Variants in TRIO observed in about 807,000 individuals in gnomAD.
TRIO encodes the protein triple functional domain protein.
In TRIO, 58 loss-of-function variants were observed where a neutral mutation model predicts 351.9. The observed-to-expected ratio is 0.16, with a 90% CI of 0.13 to 0.21. The LOEUF (loss-of-function observed/expected upper bound fraction) is 0.21, where lower values mean the gene tolerates loss of function less well. Among genes scored for constraint, TRIO ranks in the 10% least tolerant of loss-of-function variants. The probability of loss-of-function intolerance (pLI) is 1.00; values close to 1 mark genes in which losing one functional copy is unlikely to be tolerated. For missense variants in TRIO, 3,201 were observed against 4,027.8 expected (o/e 0.79, Z 5.56); for synonymous variants, 1,758 against 1,595.7 (o/e 1.10, Z -2.42).
intron 2 of TRIO, among the ~76,000 whole-genome samples, chr5:14,274,208 T>A (rs1019222162): frequency 1.3e-5 from 2 of 152,214 alleles, no homozygotes; most frequent in African/African-American, 4.8e-5. Flanking sequence ...TCTTTTAACC[T>A]GTAGGTTGTG....
At chr5:14,359,582 C>A in intron 13 of TRIO, 51 bp downstream of exon 13, 1 of 1,594,038 alleles carries the variant, frequency 6.3e-7, no homozygotes, top group South Asian at 1.1e-5. Flanking sequence ...CCTTGGCTTC[C>A]TCCACAGCAC....
intron 9 of TRIO, among the ~76,000 whole-genome samples, chr5:14,317,003 C>G (rs1204367935): frequency 6.6e-6 from 1 of 152,102 alleles, no homozygotes; most frequent in Non-Finnish European, 1.5e-5. Context: ...TCGGATCATT[C>G]TCATTTATAT....
chr5:14,317,650 C>T (rs1186284791), intron 9 of TRIO, among the ~76,000 whole-genome samples: 1 of 152,188 alleles, frequency 6.6e-6, no homozygotes, highest in Non-Finnish European at 1.5e-5. Context: ...ATGTCATTCA[C>T]CATCATTCTC....
intron 40 of TRIO, among the ~76,000 whole-genome samples, chr5:14,475,964 A>G (rs1441341465): frequency 2.0e-5 from 3 of 152,248 alleles, no homozygotes; most frequent in Admixed American, 2.0e-4. Context: ...TTAAAAGACA[A>G]CTACAGCCCA....
At chr5:14,202,258 C>T (rs1791166464) in intron 1 of TRIO, among the ~76,000 whole-genome samples, 1 of 138,514 alleles carries the variant, frequency 7.2e-6, no homozygotes, top group South Asian at 2.3e-4. Flanking sequence ...AACACAAATT[C>T]ATAAACTTTC....
chr5:14,184,770 T>A (rs1229004926), intron 1 of TRIO, among the ~76,000 whole-genome samples: 2 of 152,188 alleles, frequency 1.3e-5, no homozygotes, highest in African/African-American at 4.8e-5. Flanking sequence ...GGTTAGTGGG[T>A]GTGAGCGTGG....
At chr5:14,263,858 C>A (rs1795494727) in intron 1 of TRIO, among the ~76,000 whole-genome samples, 1 of 152,176 alleles carries the variant, frequency 6.6e-6, no homozygotes. Context: ...CATGCACAGA[C>A]AGGTAGACGA....
At chr5:14,153,400 A>G (rs1787943099) in intron 1 of TRIO, among the ~76,000 whole-genome samples, 1 of 152,184 alleles carries the variant, frequency 6.6e-6, no homozygotes. Context: ...ATGTCATAGG[A>G]TGAGATTTAA....
At chr5:14,284,722 T>G (rs760306034) in intron 3 of TRIO, among the ~76,000 whole-genome samples, 45 of 152,334 alleles carry the variant, frequency 3.0e-4, no homozygotes, top group Admixed American at 2.6e-4. Flanking sequence ...CAAGGGAATT[T>G]ATCTTGATAT....
intron 54 of TRIO, among the ~76,000 whole-genome samples, chr5:14,502,986 T>G (rs1462286690): frequency 6.6e-6 from 1 of 152,234 alleles, no homozygotes; most frequent in African/African-American, 2.4e-5. Context: ...TTCTTGTAGT[T>G]CTTAATCCTC....
chr5:14,436,254 A>T (rs32692), intron 34 of TRIO, among the ~76,000 whole-genome samples: 1 of 152,030 alleles, frequency 6.6e-6, no homozygotes, highest in Non-Finnish European at 1.5e-5. Flanking sequence ...CAGGCAAAGC[A>T]AGAGAGAGCT....
rs199638306 is a variant in TRIO at position 14,487,679 on chromosome 5, G to A, written c.7051G>A (p.Val2351Met). 3.2e-5 allele frequency: 45 copies of A among 1,408,752 alleles called. No individual in the cohort carries two copies. Among genetic ancestry groups the A allele is most frequent in the Non-Finnish European group, 4.0e-5 (43 of 1,069,852 alleles). 87.3% of individuals were successfully genotyped at this position (1,408,752 alleles called of 1,614,324 possible). A position where few individuals can be genotyped will look rare whatever the true frequency, so the allele number is the denominator to read the frequency against. ...IPQPVRHHPP[V>M]LVSSAASSQA... ...CCAGCCTGTCCGACACCACCCCCCC[G>A]TGCTGGTCTCCTCTGCAGCCTCGAG... The change falls in exon 48 of 57, where the codon GTG becomes ATG. Residue 2351 changes from valine (V) to methionine (M), a missense_variant. Physicochemically the swap from Val to Met is conservative, Grantham distance 21. Transcript: ENST00000344204.
At chr5:14,206,312 A>G (rs936813728) in intron 1 of TRIO, among the ~76,000 whole-genome samples, 1 of 152,166 alleles carries the variant, frequency 6.6e-6, no homozygotes, top group Non-Finnish European at 1.5e-5. Flanking sequence ...CCACTTGCCT[A>G]GGCCTCCCAA....
chr5:14,310,092 A>C (rs1056702732), intron 8 of TRIO, among the ~76,000 whole-genome samples: 1 of 152,240 alleles, frequency 6.6e-6, no homozygotes, highest in Non-Finnish European at 1.5e-5. Context: ...TCAGCTTGCC[A>C]GCTCTGAGCT....
intron 1 of TRIO, among the ~76,000 whole-genome samples, chr5:14,269,976 C>T (rs1040606886): frequency 6.6e-6 from 1 of 152,090 alleles, no homozygotes; most frequent in Non-Finnish European, 1.5e-5. Context: ...TAGAGATCGC[C>T]GAGAGAAATA....
At chr5:14,316,995 G>A (rs1471669889) in intron 9 of TRIO, among the ~76,000 whole-genome samples, 1 of 152,064 alleles carries the variant, frequency 6.6e-6, no homozygotes, top group African/African-American at 2.4e-5. Context: ...TTCTAGAATC[G>A]GATCATTCTC....
intron 1 of TRIO, among the ~76,000 whole-genome samples, chr5:14,259,870 G>T (rs922744186): frequency 6.6e-6 from 1 of 151,932 alleles, no homozygotes; most frequent in Admixed American, 6.6e-5. Context: ...TCTGGCCTCT[G>T]CAGGTCAATA....
chr5:14,337,823 C>A (rs948648977), intron 11 of TRIO, among the ~76,000 whole-genome samples: 1 of 152,076 alleles, frequency 6.6e-6, no homozygotes, highest in African/African-American at 2.4e-5. Flanking sequence ...GAGGAGAGTA[C>A]ACAGCAAACC....
At chr5:14,267,268 C>T (rs1034173665) in intron 1 of TRIO, among the ~76,000 whole-genome samples, 2 of 151,952 alleles carry the variant, frequency 1.3e-5, no homozygotes, top group African/African-American at 4.8e-5. Context: ...ATTGACAAAC[C>T]CCCCTGGTGG....
Sources: gnomAD v4.1 joint callset for allele counts (sites outside exome capture counted in the v4.1 genomes callset) on GRCh38, gnomAD v4.1.1 for gene constraint, MANE v1.5 for transcripts, NCBI Gene and HGNC (gene_info 2026-07-23, HGNC 2026-07-21) for gene names.